The following MRM1 variants were observed in gnomAD, a reference collection of about 807,000 sequenced individuals.
MRM1 encodes rRNA methyltransferase 1, mitochondrial.
MRM1 carries 24 observed loss-of-function variants against 25.0 expected under a neutral mutation model. The observed-to-expected ratio is 0.96, with a 90% CI of 0.69 to 1.35. The LOEUF is 1.35. Among genes scored for constraint, MRM1 ranks in the 40% most tolerant of loss-of-function variants. The probability of loss-of-function intolerance (pLI) is 0.00; values close to 1 mark genes in which losing one functional copy is unlikely to be tolerated. For missense variants in MRM1, 431 were observed against 464.1 expected (o/e 0.93, Z 0.65); for synonymous variants, 188 against 199.2 (o/e 0.94, Z 0.47).
the MRM1 span, among the ~76,000 whole-genome samples, chr17:36,619,583 G>A: frequency 6.6e-6 from 1 of 151,924 alleles, no homozygotes; most frequent in African/African-American, 2.4e-5. Context: ...CAGGAGAATT[G>A]CTTGAACCTA....
At chr17:36,615,530 G>A in the MRM1 span, among the ~76,000 whole-genome samples, 9 of 151,838 alleles carry the variant, frequency 5.9e-5, no homozygotes, top group African/African-American at 1.9e-4. Flanking sequence ...ATGATGGCAG[G>A]CGCCTATAAT....
chr17:36,601,751 G>A lies in MRM1; in HGVS notation c.-60G>A, dbSNP rs976342789. 1.3e-6 allele frequency: 2 copies of A among 1,487,576 alleles called. No individual in the cohort carries two copies. Among genetic ancestry groups the A allele is most frequent in the Admixed American group, 4.5e-5 (2 of 44,012 alleles). 92.1% of individuals were successfully genotyped at this position (1,487,576 alleles called of 1,614,324 possible). Reference sequence around the variant, plus strand: ...TGGGAGCCTGGGAGCGAACTGCGGCGCGGGTTACCGCTCCCGGGGACGCAG... The same window carrying A: ...TGGGAGCCTGGGAGCGAACTGCGGCACGGGTTACCGCTCCCGGGGACGCAG... On this transcript the variant is annotated 5_prime_UTR_variant, in exon 1 of 5. Coordinates refer to ENST00000614766, the MANE Select transcript of MRM1 (RefSeq NM_024864.5).
At chr17:36,613,358 A>C (rs1273979680), downstream of MRM1, among the ~76,000 whole-genome samples, 3 of 152,090 alleles carry the variant, frequency 2.0e-5, no homozygotes, top group Non-Finnish European at 2.9e-5. Context: ...GAGGTTTCTC[A>C]CTTCCACAGG....
At position 36,607,814 on chromosome 17, in the gene MRM1, T is replaced by G. The variant is rs2074944351; in HGVS notation, c.769+12T>G. 6.2e-7 allele frequency: 1 copy of G among 1,613,682 alleles called. No individual in the cohort carries two copies. Among genetic ancestry groups the G allele is most frequent in the Non-Finnish European group, 8.5e-7 (1 of 1,179,752 alleles). Reference sequence around the variant, plus strand: ...TCTCCTTGTGCTGGGTAGGTGGATGTCCCTGCGTTTGTGCCCAGATTACAT... The same window carrying G: ...TCTCCTTGTGCTGGGTAGGTGGATGGCCCTGCGTTTGTGCCCAGATTACAT... On this transcript the variant is annotated intron_variant, in intron 3 of 4. Transcript: ENST00000614766.
Position 36,601,784 on chromosome 17 carries a change from C to T in MRM1, c.-27C>T, listed in dbSNP as rs763470440. The T allele has an allele frequency of 5.3e-6, 8 of 1,518,584 alleles. No individual in the cohort carries two copies. Among genetic ancestry groups the T allele is most frequent in the Non-Finnish European group, 7.0e-6 (8 of 1,136,418 alleles). The allele number at this position is 1,518,584 out of a possible 1,614,324, so 94.1% of individuals were successfully genotyped here. A position where few individuals can be genotyped will look rare whatever the true frequency, so the allele number is the denominator to read the frequency against. ...CCGCTCCCGGGGACGCAGCAAGGGGCATCGAGTCCCTGGCGGGAGCTGCGC... is the reference window on the plus strand; with the variant it reads ...CCGCTCCCGGGGACGCAGCAAGGGGTATCGAGTCCCTGGCGGGAGCTGCGC... On this transcript the variant is annotated 5_prime_UTR_variant, in exon 1 of 5. Transcript: ENST00000614766.
chr17:36,628,945 TGA>T, the MRM1 span, among the ~76,000 whole-genome samples: 96 of 149,738 alleles, frequency 6.4e-4, 3 homozygotes, highest in South Asian at 0.02. Flanking sequence ...GGAGAGTGAG[TGA>T]GAGAGAGAAA....
Position 36,603,173 on chromosome 17 carries a change from C to A in MRM1, c.636+527C>A, listed in dbSNP as rs987572173. On this transcript the variant is annotated intron_variant, in intron 2 of 4. Transcript: ENST00000614766. ...TGGAATCCCCTCTGACCATACCCCC[C>A]CCAACCCCCACCCCAACTGCAGGGT... 1.0e-5 allele frequency: 10 copies of A among 982,724 alleles called. No individual in the cohort carries two copies. The Admixed American group carries it at 3.1e-4, about 30-fold the overall frequency. The allele number at this position is 982,724 out of a possible 1,614,324, so 60.9% of individuals were successfully genotyped here.
At chr17:36,609,327 C>G (rs1465467376), downstream of MRM1, among the ~76,000 whole-genome samples, 1 of 152,238 alleles carries the variant, frequency 6.6e-6, no homozygotes, top group Non-Finnish European at 1.5e-5. Flanking sequence ...CCAACACTGA[C>G]ACCAGAGAGT....
intron 2 of MRM1, among the ~76,000 whole-genome samples, chr17:36,604,607 C>T (rs140632160): frequency 0.013 from 1,907 of 151,282 alleles, 12 homozygotes; most frequent in Non-Finnish European, 0.02. Flanking sequence ...GAGATCAAGA[C>T]CATCCTGGCT....
At chr17:36,632,959 G>T in the MRM1 span, among the ~76,000 whole-genome samples, 2 of 152,134 alleles carry the variant, frequency 1.3e-5, no homozygotes, top group Non-Finnish European at 2.9e-5. Flanking sequence ...TAGAGCAAAG[G>T]GTAAGTGCGG....
the MRM1 span, among the ~76,000 whole-genome samples, chr17:36,627,462 C>G: frequency 3.3e-5 from 5 of 152,172 alleles, no homozygotes; most frequent in Admixed American, 1.3e-4. Flanking sequence ...CATCCCTATC[C>G]GGTGGAAAGA....
the MRM1 span, among the ~76,000 whole-genome samples, chr17:36,629,027 C>A: frequency 6.6e-6 from 1 of 152,046 alleles, no homozygotes; most frequent in Non-Finnish European, 1.5e-5. Flanking sequence ...CACGGTGGGG[C>A]CTCTTCTGGG....
chr17:36,632,552 C>T, the MRM1 span, among the ~76,000 whole-genome samples: 11 of 152,236 alleles, frequency 7.2e-5, no homozygotes, highest in Admixed American at 6.5e-4. Flanking sequence ...AACTGTGAGT[C>T]CAAGCCTGTC....
chr17:36,604,279 C>T (rs1458745898), intron 2 of MRM1, among the ~76,000 whole-genome samples: 4 of 152,240 alleles, frequency 2.6e-5, no homozygotes, highest in Non-Finnish European at 5.9e-5. Flanking sequence ...CACCAGTGGC[C>T]TCCATGTTGC....
rs1025871190 is a variant in MRM1 at position 36,608,748 on chromosome 17, C to T, written c.*333C>T. Reference sequence around the variant, plus strand: ...GGCAGGCAGCCCAGCCCAGGGGACCCGTTCCTCTTGAACCAGTCATTGCCT... The same window carrying T: ...GGCAGGCAGCCCAGCCCAGGGGACCTGTTCCTCTTGAACCAGTCATTGCCT... On this transcript the variant is annotated 3_prime_UTR_variant, in exon 5 of 5. Transcript: ENST00000614766. 5.2e-5 allele frequency: 14 copies of T among 267,740 alleles called. No individual in the cohort carries two copies. The highest frequency in any genetic ancestry group is 6.6e-5 in the East Asian group (1 of 15,188). 16.6% of individuals were successfully genotyped at this position (267,740 alleles called of 1,614,324 possible).
chr17:36,609,401 G>A (rs2074960313), downstream of MRM1, among the ~76,000 whole-genome samples: 1 of 152,228 alleles, frequency 6.6e-6, no homozygotes, highest in East Asian at 1.9e-4. Flanking sequence ...TTGGTCTAAT[G>A]TGCAGCCAAG....
At chr17:36,612,862 C>T (rs17138323), downstream of MRM1, among the ~76,000 whole-genome samples, 9,433 of 152,218 alleles carry the variant, frequency 0.062, 499 homozygotes, top group African/African-American at 0.13. Flanking sequence ...TCCTCAAAGC[C>T]TCTAGGGCCA....
chr17:36,619,297 G>C, the MRM1 span, among the ~76,000 whole-genome samples: 12 of 152,266 alleles, frequency 7.9e-5, no homozygotes, highest in South Asian at 2.5e-3. Flanking sequence ...TCCATCGATG[G>C]GCACCTGGGT....
chr17:36,625,587 G>A, the MRM1 span, among the ~76,000 whole-genome samples: 2 of 147,586 alleles, frequency 1.4e-5, no homozygotes, highest in Non-Finnish European at 3.0e-5. Context: ...TCAGCCTCCC[G>A]AGTAGCTGGG....
Sources: gnomAD v4.1 joint callset for allele counts (sites outside exome capture counted in the v4.1 genomes callset) on GRCh38, gnomAD v4.1.1 for gene constraint, MANE v1.5 for transcripts, NCBI Gene and HGNC (gene_info 2026-07-23, HGNC 2026-07-21) for gene names.